The following DDHD2 variants were observed in gnomAD, a reference collection of about 807,000 sequenced individuals.
DDHD2 encodes the protein DDHD domain containing 2.
Under a neutral mutation model 91.2 loss-of-function variants are expected in DDHD2, and 62 were observed. The ratio of observed to expected loss-of-function variants is 0.68; its 90% confidence interval spans 0.55 to 0.84. The LOEUF is 0.84. Ranked by LOEUF, DDHD2 falls within the 40% of genes least tolerant of loss-of-function variation. DDHD2 has a pLI of 0.00. For synonymous variants in DDHD2, 271 were observed against 293.9 expected, an observed-to-expected ratio of 0.92 and a Z score of 0.80; for missense variants, 740 against 846.9, an observed-to-expected ratio of 0.87 and a Z score of 1.57.
At chr8:38,269,094 GC>G in intron 1 of DDHD2, 1 of 1,527,118 alleles carries the variant, frequency 6.5e-7, no homozygotes, top group Non-Finnish European at 8.8e-7. Flanking sequence ...GGGAAGCGGG[GC>G]CGCCCGGGCC....
intron 5 of DDHD2, chr8:38,238,653 C>CT (rs1244352629): frequency 1.0e-6 from 1 of 976,870 alleles, no homozygotes; most frequent in African/African-American, 1.8e-5. Context: ...TATAATATTC[C>CT]TTTTTTCTTG....
intron 16 of DDHD2, among the ~76,000 whole-genome samples, chr8:38,256,436 T>C (rs1253563872): frequency 2.0e-5 from 3 of 152,138 alleles, no homozygotes; most frequent in Non-Finnish European, 4.4e-5. Context: ...TCCTCCCATC[T>C]CAGCCTCCCA....
chr8:38,265,008 C>T (rs1807367328), downstream of DDHD2: 10 of 1,184,064 alleles, frequency 8.4e-6, no homozygotes, highest in Non-Finnish European at 1.3e-5. Context: ...GTGACTCACG[C>T]CTGTAATCCC....
intron 3 of DDHD2, among the ~76,000 whole-genome samples, chr8:38,236,365 T>C (rs1804750637): frequency 6.6e-6 from 1 of 151,668 alleles, no homozygotes; most frequent in African/African-American, 2.4e-5. Context: ...GTTTTTGTTT[T>C]TGTTTTTGAG....
intron 1 of DDHD2, chr8:38,268,264 G>T: frequency 1.8e-6 from 2 of 1,132,106 alleles, no homozygotes; most frequent in Non-Finnish European, 2.5e-6. Context: ...GTTCCTTTAG[G>T]AATGCAGAAC....
intron 14 of DDHD2, 46 bp downstream of exon 14, chr8:38,252,870 T>A: frequency 6.2e-7 from 1 of 1,606,928 alleles, no homozygotes; most frequent in Non-Finnish European, 8.5e-7. Context: ...TTTTGGCCAG[T>A]GCAAAGGGCA....
chr8:38,252,878 G>T, intron 14 of DDHD2, 54 bp downstream of exon 14: 1 of 1,604,932 alleles, frequency 6.2e-7, no homozygotes, highest in Non-Finnish European at 8.5e-7. Flanking sequence ...AGTGCAAAGG[G>T]CATCATTCAC....
chr8:38,252,421 AT>A, intron 13 of DDHD2, 134 bp downstream of exon 13: 1 of 1,007,582 alleles, frequency 9.9e-7, no homozygotes, highest in Admixed American at 2.4e-5. Context: ...AATAGTATTG[AT>A]TTGGAAGTGA....
chr8:38,252,883 A>G (rs916815066), intron 14 of DDHD2, 59 bp downstream of exon 14: 2 of 1,606,850 alleles, frequency 1.2e-6, no homozygotes, highest in Non-Finnish European at 1.7e-6. Flanking sequence ...AAAGGGCATC[A>G]TTCACTCTGT....
intron 1 of DDHD2, chr8:38,270,140 A>C (rs1808394285): frequency 6.6e-6 from 1 of 152,268 alleles, no homozygotes; most frequent in South Asian, 2.1e-4. Flanking sequence ...CTAATCCCTT[A>C]GTGTCAAGAG....
chr8:38,266,368 TC>T, downstream of DDHD2: 4 of 1,469,410 alleles, frequency 2.7e-6, no homozygotes, highest in Non-Finnish European at 3.7e-6. Flanking sequence ...ACCTCATTCA[TC>T]CCCACATAGG....
rs534241523 is a variant in DDHD2, at chr8:38,238,017, AC to A, written c.502-71del. Reference sequence around the variant, plus strand: ...TGTGGTTTGAAAGACATGATTCTACACTTAAAACTGCATTGTATAGAGATGA... The same window carrying A: ...TGTGGTTTGAAAGACATGATTCTACATTAAAACTGCATTGTATAGAGATGA... On this transcript the variant is annotated intron_variant, in intron 4 of 17. Coordinates refer to ENST00000397166, the MANE Select transcript of DDHD2 (RefSeq NM_015214.3). The A allele has an allele frequency of 1.8e-3, 2,540 of 1,429,768 alleles. 5 individuals carry two copies. The highest frequency in any genetic ancestry group is 1.9e-3 in the Non-Finnish European group (2,076 of 1,070,252). The allele number at this position is 1,429,768 out of a possible 1,614,324, so 88.6% of individuals were successfully genotyped here. A position where few individuals can be genotyped will look rare whatever the true frequency, so the allele number is the denominator to read the frequency against.
chr8:38,263,479 T>G (rs551094190), downstream of DDHD2: 254 of 985,378 alleles, frequency 2.6e-4, no homozygotes, highest in Admixed American at 3.7e-4. Context: ...CAGTCATCTG[T>G]TAGTAGTGCT....
intron 7 of DDHD2, among the ~76,000 whole-genome samples, chr8:38,245,319 C>T (rs1296446078): frequency 6.6e-6 from 1 of 151,730 alleles, no homozygotes; most frequent in Non-Finnish European, 1.5e-5. Flanking sequence ...GCAATTCCAG[C>T]TATTTGGGAG....
chr8:38,250,936 T>C (rs1334195246), intron 11 of DDHD2: 2 of 152,214 alleles, frequency 1.3e-5, no homozygotes, highest in Non-Finnish European at 2.9e-5. Context: ...TTTTGAGCCA[T>C]GTGTCTGACT....
At chr8:38,271,862 A>T (rs1808491806), downstream of DDHD2, 1 of 152,244 alleles carries the variant, frequency 6.6e-6, no homozygotes. Context: ...GTGGCAGCCA[A>T]CACCTTGACT....
intron 16 of DDHD2, 51 bp downstream of exon 16, chr8:38,253,769 T>C: frequency 2.5e-6 from 4 of 1,568,866 alleles, no homozygotes; most frequent in Non-Finnish European, 2.6e-6. Context: ...GTTTCATAGA[T>C]ATTTGATAGA....
intron 1 of DDHD2, chr8:38,268,015 A>T (rs1807944963): frequency 6.2e-7 from 1 of 1,613,202 alleles, no homozygotes; most frequent in Admixed American, 1.7e-5. Flanking sequence ...AGGTATGGTC[A>T]TGGCCTCGTT....
chr8:38,272,396 A>G (rs1388292926), downstream of DDHD2: 4 of 152,216 alleles, frequency 2.6e-5, no homozygotes, highest in Non-Finnish European at 5.9e-5. Context: ...CCCTGATTAG[A>G]CATTAAAGAG....
Sources: allele counts gnomAD v4.1 joint callset (sites outside exome capture counted in the v4.1 genomes callset), GRCh38; gene constraint gnomAD v4.1.1; transcripts MANE v1.5; gene names NCBI Gene and HGNC (gene_info 2026-07-23, HGNC 2026-07-21).